The following ENOX2 variants were observed in gnomAD, a reference collection of about 807,000 sequenced individuals.
The protein encoded by ENOX2 is APK1 antigen.
ENOX2 carries 36 observed loss-of-function variants against 45.0 expected under a neutral mutation model. The ratio of observed to expected loss-of-function variants is 0.80; its 90% CI spans 0.61 to 1.06. ENOX2 has a LOEUF of 1.06. Among genes scored for constraint, ENOX2 ranks in the 50% least tolerant of loss-of-function variants. The probability of loss-of-function intolerance (pLI) is 0.00; values close to 1 mark genes in which losing one functional copy is unlikely to be tolerated. For missense variants in ENOX2, 423 were observed against 462.5 expected, an observed-to-expected ratio of 0.91 and a Z score of 0.78; for synonymous variants, 174 against 152.3, an observed-to-expected ratio of 1.14 and a Z score of -1.05.
chrX:130,656,468 C>A, intron 10 of ENOX2, 113 bp downstream of exon 10: 1 of 483,565 alleles, frequency 2.1e-6, no homozygotes. Flanking sequence ...TTATTTCTAG[C>A]TGGTATCCAG....
intron 6 of ENOX2, among the ~76,000 whole-genome samples, chrX:130,670,756 T>C (rs1347567014): frequency 1.8e-5 from 2 of 108,777 alleles, no homozygotes; most frequent in East Asian, 2.9e-4. Context: ...GGGAGTGATG[T>C]GTGACCCAGG....
intron 5 of ENOX2, 145 bp downstream of exon 5, chrX:130,688,718 G>T: frequency 2.2e-6 from 1 of 460,568 alleles, no homozygotes; most frequent in Non-Finnish European, 3.6e-6. Context: ...TGCCTAGCAA[G>T]AGAAAATTTT....
In ENOX2 at chrX:130,630,528, G is replaced by C. The variant is rs1166888529; in HGVS notation, c.1528+940C>G. On this transcript the variant is annotated intron_variant, in intron 13 of 14. Transcript: ENST00000394363. ...AATGATGGGGTTCAGAGAGGTTTCT[G>C]GTTGGCAAATACATCAAGATGCGCA... Among the ~76,000 whole-genome samples, 2 of 111,237 alleles carry C rather than the reference G, an allele frequency of 1.8e-5. 1 individual carries two copies. Among genetic ancestry groups the C allele is most frequent in the Non-Finnish European group, 3.8e-5 (2 of 53,074 alleles).
intron 8 of ENOX2, among the ~76,000 whole-genome samples, chrX:130,666,047 C>T (rs975062449): frequency 1.8e-5 from 2 of 110,900 alleles, no homozygotes; most frequent in Non-Finnish European, 3.8e-5. Context: ...TTCATGGAGG[C>T]AGGAGAGGAA....
chrX:130,828,057 A>G (rs989967601), intron 2 of ENOX2, among the ~76,000 whole-genome samples: 8 of 112,383 alleles, frequency 7.1e-5, no homozygotes, highest in Non-Finnish European at 1.1e-4. Context: ...TCAACTGCAA[A>G]TGGTATCCCA....
Position 130,631,535 on chromosome X carries a change from G to C in ENOX2, c.1461C>G (p.Ser487Arg). Residue 487 changes from serine (S) to arginine (R), a missense_variant, in exon 13 of 15, where the codon AGC becomes AGG. Physicochemically the swap from Ser to Arg is moderately radical, Grantham distance 110. Around this residue, in one of 5 missense-constraint regions of ENOX2, gnomAD observed 108 missense variants for 70.6 expected, o/e 1.53. Transcript: ENST00000394363. Reference protein sequence around the residue: ...ASRLCASNQDSEYPLEKTMNS... With the variant: ...ASRLCASNQDREYPLEKTMNS... ...TCATGGTCTTCTCAAGAGGGTATTC[G>C]CTATCCTGGTTTGAGGCACACAGCC... The C allele has an allele frequency of 8.3e-7, 1 of 1,204,542 alleles. No individual in the cohort carries two copies. Among genetic ancestry groups the C allele is most frequent in the Non-Finnish European group, 1.1e-6 (1 of 889,187 alleles).
intron 3 of ENOX2, among the ~76,000 whole-genome samples, chrX:130,775,788 T>G (rs2039842980): frequency 9.0e-6 from 1 of 111,307 alleles, no homozygotes; most frequent in African/African-American, 3.3e-5. Context: ...AGGTGTTTTG[T>G]GTTTTTTTTT....
At chrX:130,820,908 TTAATAA>T (rs1212043358) in intron 2 of ENOX2, among the ~76,000 whole-genome samples, 3 of 111,982 alleles carry the variant, frequency 2.7e-5, no homozygotes, top group Admixed American at 9.5e-5. Context: ...GTGACTACAG[TTAATAA>T]TAATGTATTC....
intron 2 of ENOX2, among the ~76,000 whole-genome samples, chrX:130,817,230 T>A (rs751996557): frequency 9.0e-6 from 1 of 111,653 alleles, no homozygotes; most frequent in East Asian, 2.8e-4. Context: ...AGAAGTCAAA[T>A]CCCTGAATAG....
At chrX:130,766,106 T>C in intron 3 of ENOX2, among the ~76,000 whole-genome samples, 1 of 111,754 alleles carries the variant, frequency 8.9e-6, no homozygotes, top group African/African-American at 3.2e-5. Context: ...AACCCCAATT[T>C]AGAAGGACTG....
At chrX:130,631,022 G>T (rs2035691574) in intron 13 of ENOX2, among the ~76,000 whole-genome samples, 1 of 110,751 alleles carries the variant, frequency 9.0e-6, no homozygotes, top group Non-Finnish European at 1.9e-5. Context: ...GGTGTCAGAA[G>T]TGTTGTAAAA....
At chrX:130,654,987 T>C (rs5977335) in intron 10 of ENOX2, among the ~76,000 whole-genome samples, 1,455 of 112,349 alleles carry the variant, frequency 0.013, 22 homozygotes, top group African/African-American at 0.045. Flanking sequence ...CTTAAACTTA[T>C]GGCAGCATTT....
intron 2 of ENOX2, among the ~76,000 whole-genome samples, chrX:130,809,736 ATG>A (rs1319997196): frequency 9.0e-6 from 1 of 110,800 alleles, no homozygotes; most frequent in Non-Finnish European, 1.9e-5. Context: ...AAGTTACAAA[ATG>A]TGTGTCGTGT....
chrX:130,872,593 T>A (rs962093568), intron 2 of ENOX2, among the ~76,000 whole-genome samples: 6 of 111,807 alleles, frequency 5.4e-5, no homozygotes, highest in African/African-American at 2.0e-4. Context: ...AGAAAGACAA[T>A]CCTAAGCAAA....
chrX:130,868,165 C>A (rs780293955), intron 2 of ENOX2, among the ~76,000 whole-genome samples: 1 of 111,009 alleles, frequency 9.0e-6, no homozygotes, highest in African/African-American at 3.3e-5. Context: ...TACATATGAT[C>A]CAGCATTTCC....
intron 10 of ENOX2, among the ~76,000 whole-genome samples, chrX:130,650,248 T>G (rs1446216262): frequency 9.0e-6 from 1 of 111,647 alleles, no homozygotes; most frequent in East Asian, 2.8e-4. Context: ...ATTTTCCCTC[T>G]GAGAAAATGA....
intron 13 of ENOX2, among the ~76,000 whole-genome samples, chrX:130,630,996 C>CAAAG (rs2035689288): frequency 9.1e-6 from 1 of 110,336 alleles, no homozygotes; most frequent in Admixed American, 9.6e-5. Context: ...AACAAACAAA[C>CAAAG]AATCCCTTGT....
intron 6 of ENOX2, among the ~76,000 whole-genome samples, chrX:130,676,962 G>A (rs970229584): frequency 9.0e-6 from 1 of 111,624 alleles, no homozygotes; most frequent in African/African-American, 3.3e-5. Context: ...TAAGCCTTTT[G>A]GAGTGTGCTA....
At chrX:130,631,667 A>G in intron 12 of ENOX2, 91 bp from the exon 13 acceptor site, 1 of 488,060 alleles carries the variant, frequency 2.0e-6, no homozygotes, top group Non-Finnish European at 3.7e-6. Context: ...TTAACACAGG[A>G]CCATAAAAAC....
Sources: allele counts gnomAD v4.1 joint callset (sites outside exome capture counted in the v4.1 genomes callset), GRCh38; gene constraint gnomAD v4.1.1; regional missense constraint gnomAD v4.1.1; transcripts MANE v1.5; gene names NCBI Gene and HGNC (gene_info 2026-07-23, HGNC 2026-07-21).